Variants in TACR3 observed in about 807,000 individuals in gnomAD.
TACR3 encodes neuromedin-K receptor.
TACR3 carries 34 observed loss-of-function variants against 35.0 expected under a neutral mutation model. That is an observed-to-expected ratio of 0.97 (90% confidence interval 0.74 to 1.30). The LOEUF is 1.30. Ranked by LOEUF, TACR3 falls within the 50% of genes most tolerant of loss-of-function variation. The pLI, the probability that TACR3 is intolerant of heterozygous loss-of-function variation, is 0.00. For synonymous variants in TACR3, 233 were observed against 221.1 expected (o/e 1.05, Z -0.48); for missense variants, 558 against 591.7 (o/e 0.94, Z 0.59).
At chr4:103,644,308 G>T (rs941158875) in intron 3 of TACR3, among the ~76,000 whole-genome samples, 1 of 151,868 alleles carries the variant, frequency 6.6e-6, no homozygotes, top group Non-Finnish European at 1.5e-5. Context: ...AACAGTAGTT[G>T]AATTGTATAC....
At chr4:103,700,584 C>A (rs1232175509) in intron 1 of TACR3, among the ~76,000 whole-genome samples, 1 of 152,106 alleles carries the variant, frequency 6.6e-6, no homozygotes, top group African/African-American at 2.4e-5. Flanking sequence ...TTATACAATT[C>A]TGGGGGAAAT....
At chr4:103,688,336 G>C (rs888385814) in intron 1 of TACR3, among the ~76,000 whole-genome samples, 4 of 152,154 alleles carry the variant, frequency 2.6e-5, no homozygotes, top group African/African-American at 9.7e-5. Flanking sequence ...ACACTGGCAT[G>C]GGCAAGGACT....
At chr4:103,641,899 CACTT>C (rs1725363851) in intron 3 of TACR3, among the ~76,000 whole-genome samples, 1 of 151,756 alleles carries the variant, frequency 6.6e-6, no homozygotes, top group South Asian at 2.1e-4. Flanking sequence ...TTCATAATCT[CACTT>C]ACATGCATAA....
intron 3 of TACR3, among the ~76,000 whole-genome samples, chr4:103,618,193 G>T (rs1578228902): frequency 6.6e-6 from 1 of 152,074 alleles, no homozygotes; most frequent in Non-Finnish European, 1.5e-5. Context: ...TGTCTTCCAC[G>T]ATGTTTATAA....
In TACR3 at chr4:103,719,891, C is replaced by T; in HGVS notation, c.-216G>A. 1 of 615,744 alleles carries T rather than the reference C, an allele frequency of 1.6e-6. No individual in the cohort carries two copies. The highest frequency in any genetic ancestry group is 2.8e-5 in the East Asian group (1 of 36,218). 38.1% of individuals were successfully genotyped at this position (615,744 alleles called of 1,614,324 possible). On this transcript the variant is annotated 5_prime_UTR_variant, in exon 1 of 5. Coordinates refer to ENST00000304883, the MANE Select transcript of TACR3 (RefSeq NM_001059.3). The stretch of plus-strand genomic sequence containing the variant: ...TTCTCAGAGGCGCTTGCGGCTCTGG[C>T]AGGCAGAAAGAATGAGATCCTCCCG...
chr4:103,639,800 C>G (rs531072255), intron 3 of TACR3, among the ~76,000 whole-genome samples: 1 of 151,994 alleles, frequency 6.6e-6, no homozygotes, highest in South Asian at 2.1e-4. Context: ...CTAGTTACTT[C>G]TTTATCTGTA....
At chr4:103,604,987 C>A (rs1162133641) in intron 3 of TACR3, among the ~76,000 whole-genome samples, 2 of 130,830 alleles carry the variant, frequency 1.5e-5, no homozygotes, top group Non-Finnish European at 1.6e-5. Flanking sequence ...CCCCTCCCCC[C>A]ACCCCACAAC....
At chr4:103,639,847 A>G (rs898586979) in intron 3 of TACR3, among the ~76,000 whole-genome samples, 2 of 152,002 alleles carry the variant, frequency 1.3e-5, no homozygotes, top group Non-Finnish European at 2.9e-5. Flanking sequence ...TTATGCAGTT[A>G]TAAGGATTCA....
chr4:103,619,163 T>TCATA (rs1045642085), intron 3 of TACR3, among the ~76,000 whole-genome samples: 1 of 152,114 alleles, frequency 6.6e-6, no homozygotes, highest in African/African-American at 2.4e-5. Context: ...AGGTATACAA[T>TCATA]CATATCATCT....
intron 3 of TACR3, among the ~76,000 whole-genome samples, chr4:103,633,507 C>T (rs1426619758): frequency 6.6e-6 from 1 of 151,938 alleles, no homozygotes; most frequent in Non-Finnish European, 1.5e-5. Context: ...CCCTGGTGCA[C>T]CCATCACCCA....
At chr4:103,659,028 G>A (rs1477585586) in intron 1 of TACR3, among the ~76,000 whole-genome samples, 1 of 152,064 alleles carries the variant, frequency 6.6e-6, no homozygotes, top group Non-Finnish European at 1.5e-5. Context: ...TAGATTCTTC[G>A]CACCTACAGT....
chr4:103,681,651 A>T (rs1404883873), intron 1 of TACR3, among the ~76,000 whole-genome samples: 1 of 152,150 alleles, frequency 6.6e-6, no homozygotes, highest in Non-Finnish European at 1.5e-5. Context: ...CAGATCCACA[A>T]ATTCACAATT....
At position 103,692,729 on chromosome 4, in the gene TACR3, T is replaced by C. The variant is rs150315252; in HGVS notation, c.548+26399A>G. 2.9e-3 allele frequency among the ~76,000 whole-genome samples: 440 copies of C among 152,240 alleles called. 1 individual carries two copies. The highest frequency in any genetic ancestry group is 0.01 in the Middle Eastern group (3 of 294). On this transcript the variant is annotated intron_variant, in intron 1 of 4. Coordinates refer to ENST00000304883, the MANE Select transcript of TACR3 (RefSeq NM_001059.3). ...ATCCAGATAGCAAATAAATAGAAAATACTGTGTCATTAGATATTGTCTATT... is the reference window on the plus strand; with the variant it reads ...ATCCAGATAGCAAATAAATAGAAAACACTGTGTCATTAGATATTGTCTATT...
intron 1 of TACR3, among the ~76,000 whole-genome samples, chr4:103,662,480 A>G (rs1725853761): frequency 6.6e-6 from 1 of 152,096 alleles, no homozygotes; most frequent in Non-Finnish European, 1.5e-5. Context: ...TCAGCCTCCC[A>G]AAGTTCTGGG....
chr4:103,693,092 C>T (rs1044606786), intron 1 of TACR3, among the ~76,000 whole-genome samples: 1 of 152,154 alleles, frequency 6.6e-6, no homozygotes, highest in African/African-American at 2.4e-5. Context: ...GTTCATTTTT[C>T]ATTTCCTTTC....
At chr4:103,636,687 C>T (rs905579880) in intron 3 of TACR3, among the ~76,000 whole-genome samples, 1 of 151,790 alleles carries the variant, frequency 6.6e-6, no homozygotes, top group African/African-American at 2.4e-5. Flanking sequence ...TGATAGACCG[C>T]TAGCAAGACT....
At chr4:103,627,513 G>A (rs1457703086) in intron 3 of TACR3, among the ~76,000 whole-genome samples, 2 of 151,832 alleles carry the variant, frequency 1.3e-5, no homozygotes, top group Admixed American at 6.6e-5. Context: ...GATAGAGCAA[G>A]ACTCGGTCAA....
chr4:103,673,197 C>G (rs1024954383), intron 1 of TACR3, among the ~76,000 whole-genome samples: 1 of 152,130 alleles, frequency 6.6e-6, no homozygotes, highest in Non-Finnish European at 1.5e-5. Context: ...ACTGGAGTAG[C>G]ACTTTTAATT....
At chr4:103,674,946 T>A (rs1330335156) in intron 1 of TACR3, among the ~76,000 whole-genome samples, 1 of 152,228 alleles carries the variant, frequency 6.6e-6, no homozygotes, top group Non-Finnish European at 1.5e-5. Context: ...AGATGTAAAT[T>A]ATTTTATATT....
Sources: allele counts gnomAD v4.1 joint callset (sites outside exome capture counted in the v4.1 genomes callset), GRCh38; gene constraint gnomAD v4.1.1; transcripts MANE v1.5; gene names NCBI Gene and HGNC (gene_info 2026-07-23, HGNC 2026-07-21).